The following NF1 variants were observed in gnomAD, a reference collection of about 807,000 sequenced individuals.
NF1 encodes the protein neurofibromin.
NF1 carries 122 observed loss-of-function variants against 325.7 expected under a neutral mutation model. That is an observed-to-expected ratio of 0.37 (90% CI 0.32 to 0.44). The LOEUF (loss-of-function observed/expected upper bound fraction) is 0.44. Among genes scored for constraint, NF1 ranks in the 20% least tolerant of loss-of-function variants. The probability of loss-of-function intolerance (pLI) is 1.00; values close to 1 mark genes in which losing one functional copy is unlikely to be tolerated. For synonymous variants in NF1, 1,091 were observed against 1,186.0 expected, an observed-to-expected ratio of 0.92 and a Z score of 1.65; for missense variants, 2,140 against 3,415.4, an observed-to-expected ratio of 0.63 and a Z score of 9.31.
intron 29 of NF1, among the ~76,000 whole-genome samples, chr17:31,237,334 G>A (rs2067220759): frequency 6.6e-6 from 1 of 152,148 alleles, no homozygotes; most frequent in Admixed American, 6.5e-5. Context: ...GAGTGCGGTG[G>A]CACCATCTCG....
At chr17:31,342,913 C>T (rs937725521) in intron 47 of NF1, 96 bp from the exon 48 acceptor site, 7 of 1,453,912 alleles carry the variant, frequency 4.8e-6, no homozygotes, top group African/African-American at 1.4e-5. Context: ...GAAAGGATTA[C>T]TTATCTTGTC....
At chr17:31,128,037 G>A (rs2143439706) in intron 1 of NF1, among the ~76,000 whole-genome samples, 1 of 151,906 alleles carries the variant, frequency 6.6e-6, no homozygotes, top group African/African-American at 2.4e-5. Context: ...GATCACCTGG[G>A]CTCAAGCCAT....
At position 31,376,835 on chromosome 17, in the gene NF1, G is replaced by GC. The variant is rs2070738496; in HGVS notation, c.*2683dup. ...GCCAGTACTCCCATCCGAGGGGCAT[G>GC]CCCTTAGTTGCCCAGATGGAGATGC... On this transcript the variant is annotated 3_prime_UTR_variant, in exon 58 of 58. Coordinates refer to ENST00000358273, the MANE Select transcript of NF1 (RefSeq NM_001042492.3). The GC allele has an allele frequency of 4.3e-6, 1 of 233,140 alleles. No individual in the cohort carries two copies. Among genetic ancestry groups the GC allele is most frequent in the Non-Finnish European group, 8.5e-6 (1 of 118,022 alleles). The allele number at this position is 233,140 out of a possible 1,614,324, so 14.4% of individuals were successfully genotyped here.
In NF1 at chr17:31,295,633, T is replaced by G. The variant is rs772868797; in HGVS notation, c.4836-30187T>G. ...TCCACTTCAGTAAGTAAGTAATGTT[T>G]TGTTTGTGGTCACATGACCACCTGT... On this transcript the variant is annotated intron_variant, in intron 36 of 57. Transcript: ENST00000358273. The G allele has an allele frequency of 2.5e-6, 4 of 1,614,046 alleles. No individual in the cohort carries two copies. In the African/African-American group the frequency reaches 4.0e-5, roughly 16 times the overall value.
chr17:31,106,334 A>G (rs1912860330), intron 1 of NF1, among the ~76,000 whole-genome samples: 1 of 152,202 alleles, frequency 6.6e-6, no homozygotes, highest in Admixed American at 6.5e-5. Context: ...ACAGTCATAA[A>G]AATGTATTAG....
intron 54 of NF1, chr17:31,358,226 A>G (rs531559540): frequency 5.7e-6 from 3 of 523,506 alleles, no homozygotes; most frequent in Non-Finnish European, 1.0e-5. Context: ...ACATGGTTAT[A>G]TGACACTACC....
intron 1 of NF1, among the ~76,000 whole-genome samples, chr17:31,109,236 C>G (rs973704932): frequency 7.2e-5 from 11 of 152,158 alleles, no homozygotes; most frequent in Non-Finnish European, 1.6e-4. Context: ...ATTTCTCTTA[C>G]CATATTTCTA....
At chr17:31,281,775 C>T (rs560980135) in intron 36 of NF1, among the ~76,000 whole-genome samples, 5 of 152,150 alleles carry the variant, frequency 3.3e-5, no homozygotes, top group African/African-American at 9.6e-5. Flanking sequence ...TGTACAATTG[C>T]CTGGGCACAG....
intron 29 of NF1, among the ~76,000 whole-genome samples, chr17:31,244,425 G>A (rs1360315304): frequency 6.6e-6 from 1 of 151,986 alleles, no homozygotes; most frequent in Non-Finnish European, 1.5e-5. Flanking sequence ...TGCCTTTCAA[G>A]TTTATTTAGG....
At chr17:31,284,437 A>G (rs553990629) in intron 36 of NF1, among the ~76,000 whole-genome samples, 1 of 152,160 alleles carries the variant, frequency 6.6e-6, no homozygotes, top group African/African-American at 2.4e-5. Context: ...GTCATGTGCT[A>G]CCATGCCCAG....
At chr17:31,097,898 A>C (rs1911908919) in intron 1 of NF1, among the ~76,000 whole-genome samples, 1 of 151,894 alleles carries the variant, frequency 6.6e-6, no homozygotes, top group Admixed American at 6.6e-5. Flanking sequence ...GGGTTTCACC[A>C]TGTTGGTCAG....
chr17:31,280,210 A>G (rs12103563), intron 36 of NF1, among the ~76,000 whole-genome samples: 3 of 147,564 alleles, frequency 2.0e-5, no homozygotes, highest in African/African-American at 7.5e-5. Context: ...TTTTTTTTTA[A>G]TTTTTTTTTT....
rs771115661 is a variant in NF1, at chr17:31,159,044, ATCTC to A, written c.244_247del (p.Gln83Ter). 1.2e-6 allele frequency: 2 copies of A among 1,609,122 alleles called. No homozygotes were observed. The highest frequency in any genetic ancestry group is 8.5e-7 in the Non-Finnish European group (1 of 1,175,702). On this transcript the variant is annotated frameshift_variant, in exon 3 of 58. Coordinates refer to ENST00000358273, the MANE Select transcript of NF1 (RefSeq NM_001042492.3). LOFTEE classifies it high-confidence loss of function. The stretch of plus-strand genomic sequence containing the variant: ...GGAGAAGCTGCTGAAAAAAATTTAT[ATCTC>A]TCTCAGTTGATTATATTGGATACAC...
intron 36 of NF1, chr17:31,321,549 CT>C (rs2069193511): frequency 1.3e-5 from 2 of 152,258 alleles, no homozygotes; most frequent in South Asian, 4.1e-4. Context: ...TAAACCACTT[CT>C]TTTCTTGTCT....
At chr17:31,184,092 T>G (rs1296784149) in intron 8 of NF1, among the ~76,000 whole-genome samples, 1 of 152,104 alleles carries the variant, frequency 6.6e-6, no homozygotes, top group Non-Finnish European at 1.5e-5. Flanking sequence ...GTTTGGGGGT[T>G]TCTGGAGTTT....
At chr17:31,151,921 T>G (rs568536534) in intron 1 of NF1, among the ~76,000 whole-genome samples, 2 of 152,278 alleles carry the variant, frequency 1.3e-5, no homozygotes, top group South Asian at 4.1e-4. Flanking sequence ...CTAGGGTACA[T>G]GTGCACAATG....
intron 1 of NF1, among the ~76,000 whole-genome samples, chr17:31,098,933 G>GAAA (rs556393516): frequency 0.014 from 1,448 of 100,274 alleles, 39 homozygotes; most frequent in African/African-American, 0.063. Flanking sequence ...CTCCATCTCA[G>GAAA]AAAAAAAAAA....
chr17:31,118,068 A>T (rs12949024), intron 1 of NF1, among the ~76,000 whole-genome samples: 97,843 of 151,724 alleles, frequency 0.64, 31,903 homozygotes, highest in Middle Eastern at 0.81. Context: ...GTTGTTTTTT[A>T]AACTAGGTTA....
intron 8 of NF1, among the ~76,000 whole-genome samples, chr17:31,196,714 A>G (rs928620266): frequency 6.6e-6 from 1 of 152,084 alleles, no homozygotes; most frequent in African/African-American, 2.4e-5. Flanking sequence ...TAATTTTTGT[A>G]TATGATGTAA....
Sources: gnomAD v4.1 joint callset for allele counts (sites outside exome capture counted in the v4.1 genomes callset) on GRCh38, gnomAD v4.1.1 for gene constraint, MANE v1.5 for transcripts, NCBI Gene and HGNC (gene_info 2026-07-23, HGNC 2026-07-21) for gene names.